The following LINGO2 variants were observed in gnomAD, a reference collection of about 807,000 sequenced individuals.
The protein encoded by LINGO2 is leucine rich repeat and Ig domain containing 2.
In LINGO2, 14 loss-of-function variants were observed where a neutral mutation model predicts 30.6. The observed-to-expected ratio is 0.46, with a 90% CI of 0.30 to 0.72. LINGO2 has a LOEUF of 0.72. Ranked by LOEUF, LINGO2 falls within the 30% of genes least tolerant of loss-of-function variation. The pLI is 0.07. For synonymous variants in LINGO2, 317 were observed against 288.5 expected (o/e 1.10, Z -1.00); for missense variants, 729 against 751.7 (o/e 0.97, Z 0.35).
chr9:27,978,493 G>T (rs1380366810), intron 5 of LINGO2, among the ~76,000 whole-genome samples: 1 of 151,964 alleles, frequency 6.6e-6, no homozygotes, highest in East Asian at 1.9e-4. Context: ...TTATAAAAGG[G>T]ACCCCAGAAA....
chr9:28,358,675 G>A (rs1270944632), intron 3 of LINGO2, among the ~76,000 whole-genome samples: 2 of 152,088 alleles, frequency 1.3e-5, no homozygotes, highest in African/African-American at 2.4e-5. Flanking sequence ...TTTATGAAAC[G>A]GGGATTATAG....
chr9:29,049,240 A>G, the LINGO2 span, among the ~76,000 whole-genome samples: 7 of 152,240 alleles, frequency 4.6e-5, no homozygotes, highest in Admixed American at 4.6e-4. Context: ...GTCATTAGAG[A>G]AATGCAAATG....
intron 4 of LINGO2, among the ~76,000 whole-genome samples, chr9:28,227,428 T>C (rs1226745731): frequency 2.6e-5 from 4 of 152,108 alleles, no homozygotes; most frequent in African/African-American, 9.7e-5. Flanking sequence ...CTATAATTTA[T>C]GTCTCATTTT....
chr9:28,948,968 T>G, the LINGO2 span, among the ~76,000 whole-genome samples: 3 of 151,990 alleles, frequency 2.0e-5, no homozygotes, highest in Non-Finnish European at 4.4e-5. Context: ...TAAATAATAT[T>G]GACATCTCAA....
At chr9:28,077,841 C>A (rs993941928) in intron 4 of LINGO2, among the ~76,000 whole-genome samples, 2 of 148,712 alleles carry the variant, frequency 1.3e-5, no homozygotes, top group African/African-American at 5.2e-5. Context: ...AGGAAGAATC[C>A]TCAATCTAAT....
chr9:28,669,477 T>C (rs1256127696), intron 1 of LINGO2, among the ~76,000 whole-genome samples: 2 of 152,070 alleles, frequency 1.3e-5, no homozygotes, highest in Non-Finnish European at 2.9e-5. Context: ...TTGTTTTTTT[T>C]CTCTGTAATT....
At chr9:28,001,546 A>T (rs1821954838) in intron 5 of LINGO2, among the ~76,000 whole-genome samples, 1 of 152,192 alleles carries the variant, frequency 6.6e-6, no homozygotes. Flanking sequence ...GTGCTACTTA[A>T]TGGCAGACAT....
the LINGO2 span, among the ~76,000 whole-genome samples, chr9:28,871,841 C>T: frequency 1.3e-5 from 2 of 151,946 alleles, no homozygotes; most frequent in Non-Finnish European, 2.9e-5. Flanking sequence ...AATACTAGTA[C>T]TTATCTCCTA....
the LINGO2 span, among the ~76,000 whole-genome samples, chr9:28,903,050 A>G: frequency 3.2e-4 from 49 of 152,018 alleles, no homozygotes; most frequent in East Asian, 7.3e-3. Context: ...TAAAATATAG[A>G]CTAGAAAAAC....
rs1321148321 is a variant in LINGO2, at chr9:28,051,247, T to G, written c.-86-38842A>C. On this transcript the variant is annotated intron_variant, in intron 4 of 5. Coordinates refer to ENST00000379992, the Ensembl canonical transcript of LINGO2. ...TTTCTCCAAAGTGAAGACTGAAAAC[T>G]ATCAGAAAGAATATAGCTAGATACA... Among the ~76,000 whole-genome samples the G allele has an allele frequency of 2.0e-5, 3 of 152,018 alleles. 1 individual carries two copies. The highest frequency in any genetic ancestry group is 2.0e-4 in the Admixed American group (3 of 15,240).
the LINGO2 span, among the ~76,000 whole-genome samples, chr9:29,124,352 G>C: frequency 6.6e-6 from 1 of 152,064 alleles, no homozygotes; most frequent in African/African-American, 2.4e-5. Flanking sequence ...ACAGGCATGG[G>C]CAAAGACTTC....
intron 3 of LINGO2, among the ~76,000 whole-genome samples, chr9:28,325,213 A>G (rs970560168): frequency 6.6e-6 from 1 of 152,102 alleles, no homozygotes; most frequent in African/African-American, 2.4e-5. Context: ...GGGCATTTAT[A>G]TTAGAAAACT....
At chr9:28,417,384 T>C (rs939068804) in intron 2 of LINGO2, among the ~76,000 whole-genome samples, 4 of 152,198 alleles carry the variant, frequency 2.6e-5, no homozygotes, top group African/African-American at 7.2e-5. Context: ...CTTTAACATA[T>C]TTTATTTGTT....
chr9:28,874,868 A>G, the LINGO2 span, among the ~76,000 whole-genome samples: 2 of 152,126 alleles, frequency 1.3e-5, no homozygotes, highest in African/African-American at 4.8e-5. Flanking sequence ...TTGTGTAACA[A>G]CGATGTGACA....
intron 4 of LINGO2, among the ~76,000 whole-genome samples, chr9:28,188,583 G>C (rs1229192811): frequency 6.6e-6 from 1 of 151,976 alleles, no homozygotes; most frequent in Non-Finnish European, 1.5e-5. Flanking sequence ...ACCAAAAATT[G>C]GGACAATCAA....
intron 2 of LINGO2, among the ~76,000 whole-genome samples, chr9:28,464,087 C>A (rs981406364): frequency 6.6e-6 from 1 of 152,104 alleles, no homozygotes; most frequent in Non-Finnish European, 1.5e-5. Context: ...ATATTCTGTT[C>A]AGGGAAACGA....
chr9:28,185,792 A>G (rs1348377092), intron 4 of LINGO2, among the ~76,000 whole-genome samples: 2 of 152,168 alleles, frequency 1.3e-5, no homozygotes, highest in Non-Finnish European at 2.9e-5. Context: ...AACGTATCTG[A>G]CATTATTCTG....
the LINGO2 span, among the ~76,000 whole-genome samples, chr9:29,044,839 C>T: frequency 6.6e-6 from 1 of 151,972 alleles, no homozygotes; most frequent in African/African-American, 2.4e-5. Flanking sequence ...TATACATACA[C>T]CCTTAAGATA....
the LINGO2 span, among the ~76,000 whole-genome samples, chr9:28,694,533 C>G: frequency 6.6e-6 from 1 of 152,020 alleles, no homozygotes; most frequent in Non-Finnish European, 1.5e-5. Context: ...TGCTTACTTA[C>G]AACCTCAAAA....
Sources: allele counts gnomAD v4.1 joint callset (sites outside exome capture counted in the v4.1 genomes callset), GRCh38; gene constraint gnomAD v4.1.1; transcripts MANE v1.5; gene names NCBI Gene and HGNC (gene_info 2026-07-23, HGNC 2026-07-21).